PHACTR3: variants seen among roughly 807,000 people sequenced by gnomAD.
The protein encoded by PHACTR3 is phosphatase and actin regulator 3.
In PHACTR3, 16 loss-of-function variants were observed where a neutral mutation model predicts 66.8. That is an observed-to-expected ratio of 0.24 (90% confidence interval 0.16 to 0.36). The LOEUF is 0.36. Among genes scored for constraint, PHACTR3 ranks in the 10% least tolerant of loss-of-function variants. The pLI is 1.00. For missense variants in PHACTR3, 647 were observed against 719.9 expected (o/e 0.90, Z 1.16); for synonymous variants, 323 against 292.1 (o/e 1.11, Z -1.08).
At chr20:59,760,991 C>T (rs2039975576) in intron 4 of PHACTR3, among the ~76,000 whole-genome samples, 1 of 152,070 alleles carries the variant, frequency 6.6e-6, no homozygotes, top group Non-Finnish European at 1.5e-5. Context: ...ACAGATCAAA[C>T]CCAGTGGCAG....
chr20:59,767,788 T>A (rs2146871106), intron 5 of PHACTR3, among the ~76,000 whole-genome samples: 1 of 152,122 alleles, frequency 6.6e-6, no homozygotes, highest in South Asian at 2.1e-4. Flanking sequence ...TTCTTTTTCT[T>A]TTTTCTTTTC....
At chr20:59,846,453 T>C (rs1312723813) in intron 12 of PHACTR3, among the ~76,000 whole-genome samples, 1 of 152,142 alleles carries the variant, frequency 6.6e-6, no homozygotes, top group Non-Finnish European at 1.5e-5. Context: ...GAATAGGTCA[T>C]ATGAATGTTT....
chr20:59,700,643 C>T (rs1320647971), intron 1 of PHACTR3, among the ~76,000 whole-genome samples: 2 of 152,146 alleles, frequency 1.3e-5, no homozygotes, highest in African/African-American at 4.8e-5. Context: ...TGATATCTTA[C>T]ATGGTATGAG....
chr20:59,629,620 A>G (rs1207701940), intron 1 of PHACTR3, among the ~76,000 whole-genome samples: 1 of 152,174 alleles, frequency 6.6e-6, no homozygotes, highest in Non-Finnish European at 1.5e-5. Flanking sequence ...CTTCCAGGGT[A>G]TGAGCTCCAT....
chr20:59,709,941 C>A (rs2037853127), intron 1 of PHACTR3, among the ~76,000 whole-genome samples: 1 of 151,974 alleles, frequency 6.6e-6, no homozygotes, highest in African/African-American at 2.4e-5. Context: ...GGGACATGGT[C>A]TTTTATGGGG....
chr20:59,647,727 C>T (rs1453751675), intron 1 of PHACTR3, among the ~76,000 whole-genome samples: 1 of 152,176 alleles, frequency 6.6e-6, no homozygotes, highest in African/African-American at 2.4e-5. Flanking sequence ...AAACTCATCT[C>T]CCACAACGCC....
chr20:59,712,088 C>G (rs2037931781), intron 1 of PHACTR3, among the ~76,000 whole-genome samples: 1 of 151,978 alleles, frequency 6.6e-6, no homozygotes, highest in African/African-American at 2.4e-5. Flanking sequence ...TTTGGACTAG[C>G]CATTCTTTTG....
chr20:59,839,039 A>G (rs952016527), intron 9 of PHACTR3, among the ~76,000 whole-genome samples: 3 of 135,190 alleles, frequency 2.2e-5, no homozygotes, highest in Non-Finnish European at 5.0e-5. Flanking sequence ...TTTCAGGATT[A>G]AAAAAAAAAA....
intron 1 of PHACTR3, among the ~76,000 whole-genome samples, chr20:59,695,666 C>T (rs1000423035): frequency 3.3e-5 from 5 of 151,916 alleles, no homozygotes; most frequent in East Asian, 1.9e-4. Flanking sequence ...TTCTCTTCAC[C>T]GCTTAGACAC....
chr20:59,678,461 C>T (rs1383622985), intron 1 of PHACTR3, among the ~76,000 whole-genome samples: 1 of 152,138 alleles, frequency 6.6e-6, no homozygotes, highest in East Asian at 1.9e-4. Context: ...TTCCTCCTGT[C>T]TAGGGCCTCT....
intron 8 of PHACTR3, among the ~76,000 whole-genome samples, chr20:59,815,557 T>C (rs1350747380): frequency 1.3e-5 from 2 of 151,828 alleles, no homozygotes; most frequent in Non-Finnish European, 2.9e-5. Context: ...CCCAATTAGC[T>C]GGGATTACAG....
At chr20:59,724,907 G>A (rs778762520) in intron 1 of PHACTR3, among the ~76,000 whole-genome samples, 11 of 152,160 alleles carry the variant, frequency 7.2e-5, no homozygotes, top group Non-Finnish European at 1.5e-4. Flanking sequence ...GTGAACCCAC[G>A]TGGGTGTGAG....
At chr20:59,773,883 G>T (rs1191344939) in intron 6 of PHACTR3, among the ~76,000 whole-genome samples, 1 of 152,240 alleles carries the variant, frequency 6.6e-6, no homozygotes, top group East Asian at 1.9e-4. Context: ...GTGTCTCATG[G>T]ACTGTGAAAG....
chr20:59,783,270 A>T (rs1282318692), intron 7 of PHACTR3, among the ~76,000 whole-genome samples: 1 of 152,114 alleles, frequency 6.6e-6, no homozygotes, highest in African/African-American at 2.4e-5. Context: ...GGGATGCAGG[A>T]TGCTTGTGAG....
intron 1 of PHACTR3, among the ~76,000 whole-genome samples, chr20:59,678,119 G>A (rs532465349): frequency 1.8e-4 from 28 of 152,252 alleles, no homozygotes; most frequent in Admixed American, 1.4e-3. Flanking sequence ...TTGGCAGTTT[G>A]CAATTCTCTG....
chr20:59,595,251 A>G (rs1034859372), intron 1 of PHACTR3, among the ~76,000 whole-genome samples: 4 of 152,112 alleles, frequency 2.6e-5, no homozygotes, highest in African/African-American at 9.7e-5. Context: ...TCACGAGGTC[A>G]GGAGTTCGAG....
chr20:59,745,897 T>C (rs2039353177), intron 2 of PHACTR3, among the ~76,000 whole-genome samples: 1 of 152,158 alleles, frequency 6.6e-6, no homozygotes, highest in South Asian at 2.1e-4. Flanking sequence ...GGGAAGTCCT[T>C]GAGTCAGTGC....
At position 59,767,418 on chromosome 20, in the gene PHACTR3, C is replaced by T. The variant is rs751208025; in HGVS notation, c.751+23C>T. The T allele has an allele frequency of 8.1e-6, 13 of 1,604,192 alleles. No individual in the cohort carries two copies. The South Asian group carries it at 1.1e-4, about 14-fold the overall frequency. ...CAGGTGGGTCCACATGCATCCTGCC[C>T]ATTCTATTTCCTTTCTCTGCCCCAT... On this transcript the variant is annotated intron_variant, in intron 5 of 12. Coordinates refer to ENST00000371015, the MANE Select transcript of PHACTR3 (RefSeq NM_080672.5).
At chr20:59,814,880 G>T (rs972856169) in intron 8 of PHACTR3, among the ~76,000 whole-genome samples, 3 of 152,088 alleles carry the variant, frequency 2.0e-5, no homozygotes, top group Non-Finnish European at 4.4e-5. Context: ...GTTGGGCCTT[G>T]CTGAATAATT....
Sources: allele counts gnomAD v4.1 joint callset (sites outside exome capture counted in the v4.1 genomes callset), GRCh38; gene constraint gnomAD v4.1.1; transcripts MANE v1.5; gene names NCBI Gene and HGNC (gene_info 2026-07-23, HGNC 2026-07-21).